The following COBL variants were observed in gnomAD, a reference collection of about 807,000 sequenced individuals.
COBL encodes the protein cordon-bleu WH2 repeat protein.
Under a neutral mutation model 98.8 loss-of-function variants are expected in COBL, and 51 were observed. The observed-to-expected ratio is 0.52, with a 90% CI of 0.41 to 0.65. COBL has a LOEUF of 0.65. Ranked by LOEUF, COBL falls within the 30% of genes least tolerant of loss-of-function variation. The pLI, the probability that COBL is intolerant of heterozygous loss-of-function variation, is 0.00. For synonymous variants in COBL, 634 were observed against 651.7 expected (o/e 0.97, Z 0.41); for missense variants, 1,617 against 1,617.5 (o/e 1.00, Z 0.01).
chr7:51,260,056 T>G (rs1797582798), intron 1 of COBL: 2 of 991,188 alleles, frequency 2.0e-6, no homozygotes, highest in Non-Finnish European at 3.1e-6. Context: ...TGCTCCTTCT[T>G]CTCCAAAAGT....
intron 8 of COBL, 98 bp downstream of exon 8, chr7:51,043,285 T>C (rs566154215): frequency 1.7e-4 from 207 of 1,221,600 alleles, no homozygotes; most frequent in Non-Finnish European, 2.3e-4. Flanking sequence ...GCAGAGCAGG[T>C]TGTGATAGCA....
intron 1 of COBL, among the ~76,000 whole-genome samples, chr7:51,283,728 G>C (rs190532498): frequency 1.3e-5 from 2 of 152,012 alleles, no homozygotes; most frequent in South Asian, 2.1e-4. Flanking sequence ...CAGATGATCC[G>C]CCTGCCTCGG....
chr7:51,171,685 A>G (rs1787889848), intron 5 of COBL, among the ~76,000 whole-genome samples: 1 of 152,132 alleles, frequency 6.6e-6, no homozygotes, highest in Admixed American at 6.6e-5. Context: ...TCATCCCAGA[A>G]AAATATTCTT....
chr7:51,289,406 C>T (rs1299633750), intron 1 of COBL, among the ~76,000 whole-genome samples: 1 of 152,152 alleles, frequency 6.6e-6, no homozygotes, highest in Admixed American at 6.5e-5. Flanking sequence ...TCACTGCACT[C>T]GGGTGTGGCC....
intron 7 of COBL, among the ~76,000 whole-genome samples, chr7:51,061,950 T>TACACAC (rs3047134): frequency 0.011 from 1,644 of 145,522 alleles, 36 homozygotes; most frequent in African/African-American, 0.042. Context: ...CCACCATAGA[T>TACACAC]ACACACACAC....
chr7:51,293,688 C>A (rs113936189), intron 1 of COBL, among the ~76,000 whole-genome samples: 125 of 152,214 alleles, frequency 8.2e-4, no homozygotes, highest in African/African-American at 2.9e-3. Context: ...ACATAAATAT[C>A]CCTCAGTAAA....
intron 8 of COBL, among the ~76,000 whole-genome samples, chr7:51,041,422 A>AT (rs1323814188): frequency 1.4e-5 from 2 of 145,512 alleles, no homozygotes; most frequent in African/African-American, 5.1e-5. Context: ...GCATTCATTC[A>AT]TTTTGGTGAC....
At chr7:51,098,220 G>GTTTTTTTTTTT (rs1276606651) in intron 6 of COBL, among the ~76,000 whole-genome samples, 4 of 52,300 alleles carry the variant, frequency 7.6e-5, no homozygotes, top group Admixed American at 1.8e-4. Context: ...CCCAATAGCA[G>GTTTTTTTTTTT]TTTCTTTTTT....
At chr7:51,290,199 G>A (rs916447712) in intron 1 of COBL, among the ~76,000 whole-genome samples, 1 of 152,224 alleles carries the variant, frequency 6.6e-6, no homozygotes, top group African/African-American at 2.4e-5. Context: ...CAATCACAGA[G>A]ACTCAATAGA....
intron 1 of COBL, among the ~76,000 whole-genome samples, chr7:51,234,557 C>T (rs934710489): frequency 6.6e-6 from 1 of 151,970 alleles, no homozygotes; most frequent in Non-Finnish European, 1.5e-5. Context: ...AAAAACTAGC[C>T]GGGCGTGTTG....
At chr7:51,194,292 C>CT (rs1055979651) in intron 2 of COBL, among the ~76,000 whole-genome samples, 1 of 151,882 alleles carries the variant, frequency 6.6e-6, no homozygotes, top group Admixed American at 6.6e-5. Context: ...TGATCTTGTT[C>CT]TTTTTTTTAA....
At chr7:51,113,270 G>A (rs1796996098) in intron 6 of COBL, among the ~76,000 whole-genome samples, 2 of 152,064 alleles carry the variant, frequency 1.3e-5, no homozygotes, top group Admixed American at 1.3e-4. Context: ...ATATATGAAG[G>A]AAATAAAATA....
At position 51,043,432 on chromosome 7, in the gene COBL, G is replaced by C; in HGVS notation, c.1357C>G (p.Gln453Glu). 6.2e-7 allele frequency: 1 copy of C among 1,614,206 alleles called. No individual in the cohort carries two copies. The highest frequency in any genetic ancestry group is 8.5e-7 in the Non-Finnish European group (1 of 1,180,028). Residue 453 changes from glutamine (Q) to glutamate (E), a missense_variant, in exon 8 of 13, where the codon CAG (glutamine) becomes GAG (glutamate). Around this residue, in one of 3 missense-constraint regions of COBL, gnomAD observed 1,304 missense variants for 1,282.0 expected, o/e 1.02. Coordinates refer to ENST00000265136, the MANE Select transcript of COBL (RefSeq NM_015198.5). ...TTCTTCTCCCACAAGGGGCTCTTCT[G>C]GGGACCCAGGTCTGGGGTTCCAGCG... is the stretch of plus-strand genomic sequence containing the variant. The part of the protein sequence containing the change: ...DLAGTPDLGP[Q>E]KSPLWEKNGS...
chr7:51,108,935 C>T (rs948006308), intron 6 of COBL, among the ~76,000 whole-genome samples: 1 of 82,618 alleles, frequency 1.2e-5, no homozygotes. Flanking sequence ...CACACACACA[C>T]ACACACACAC....
chr7:51,036,707 A>G (rs1433062209), intron 8 of COBL, among the ~76,000 whole-genome samples: 2 of 152,188 alleles, frequency 1.3e-5, no homozygotes, highest in Non-Finnish European at 2.9e-5. Context: ...CCAGGCTGAA[A>G]TGGGACATCG....
intron 1 of COBL, among the ~76,000 whole-genome samples, chr7:51,240,540 A>AT (rs11350456): frequency 8.0e-5 from 12 of 150,680 alleles, no homozygotes; most frequent in East Asian, 7.9e-4. Flanking sequence ...TACTGAACAT[A>AT]TTTTTTTTTT....
intron 1 of COBL, among the ~76,000 whole-genome samples, chr7:51,234,057 T>C (rs1795011535): frequency 6.6e-6 from 1 of 152,194 alleles, no homozygotes; most frequent in South Asian, 2.1e-4. Flanking sequence ...AAGAAGGGTA[T>C]GTGAAAATAT....
intron 1 of COBL, among the ~76,000 whole-genome samples, chr7:51,268,693 A>C (rs975672041): frequency 3.9e-5 from 6 of 152,020 alleles, no homozygotes; most frequent in Non-Finnish European, 8.8e-5. Context: ...GCATTTTGGG[A>C]GGCCAAGGTA....
intron 7 of COBL, among the ~76,000 whole-genome samples, chr7:51,069,962 G>C (rs1458975350): frequency 6.6e-6 from 1 of 152,068 alleles, no homozygotes; most frequent in African/African-American, 2.4e-5. Context: ...ATCTCTTTTG[G>C]GGGGGTTTCT....
Sources: gnomAD v4.1 joint callset for allele counts (sites outside exome capture counted in the v4.1 genomes callset) on GRCh38, gnomAD v4.1.1 for gene constraint, gnomAD v4.1.1 regional missense constraint, MANE v1.5 for transcripts, NCBI Gene and HGNC (gene_info 2026-07-23, HGNC 2026-07-21) for gene names.